Variants in FBXL17 observed in about 807,000 individuals in gnomAD.
FBXL17 encodes F-box/LRR-repeat protein 17.
Under a neutral mutation model 66.2 loss-of-function variants are expected in FBXL17, and 22 were observed. The ratio of observed to expected loss-of-function variants is 0.33; its 90% confidence interval spans 0.24 to 0.47. The LOEUF (loss-of-function observed/expected upper bound fraction) is 0.47. Among genes scored for constraint, FBXL17 ranks in the 20% least tolerant of loss-of-function variants. The pLI, the probability that FBXL17 is intolerant of heterozygous loss-of-function variation, is 1.00. For synonymous variants in FBXL17, 474 were observed against 400.5 expected (o/e 1.18, Z -2.19); for missense variants, 878 against 948.2 (o/e 0.93, Z 0.97).
At chr5:107,867,162 A>G (rs1748301113) in intron 8 of FBXL17, among the ~76,000 whole-genome samples, 1 of 152,154 alleles carries the variant, frequency 6.6e-6, no homozygotes, top group Non-Finnish European at 1.5e-5. Context: ...GGCAGCCCCA[A>G]ACTCCTTTAA....
chr5:108,022,476 C>A (rs927360293), intron 6 of FBXL17, among the ~76,000 whole-genome samples: 1 of 147,536 alleles, frequency 6.8e-6, no homozygotes, highest in Non-Finnish European at 1.5e-5. Flanking sequence ...CTATAATATC[C>A]TAAATCATTA....
At chr5:108,370,048 G>A (rs1026239263) in intron 1 of FBXL17, among the ~76,000 whole-genome samples, 6 of 152,056 alleles carry the variant, frequency 3.9e-5, no homozygotes, top group African/African-American at 1.4e-4. Context: ...ACTCATACCG[G>A]GACCATCTAG....
In FBXL17 at chr5:108,381,256, G is replaced by C; in HGVS notation, c.436C>G (p.Leu146Val). 7.0e-7 allele frequency: 1 copy of C among 1,437,886 alleles called. No individual in the cohort carries two copies. The highest frequency in any genetic ancestry group is 9.1e-7 in the Non-Finnish European group (1 of 1,098,452). The allele number at this position is 1,437,886 out of a possible 1,614,324, so 89.1% of individuals were successfully genotyped here. ...TGCTCCCAGGCGGCGGCCGCAGCCA[G>C]CCCCAACTCTTTGCAGCAGGAGGCG... ...SPASCCKELG[L>V]AAAAAWEQQG... Residue 146 changes from leucine to valine, a missense_variant, in exon 1 of 9, where the codon CTG (leucine) becomes GTG (valine). Leu to Val is a conservative substitution (Grantham distance 32). Transcript: ENST00000542267.
chr5:107,989,722 T>C (rs191083319), intron 7 of FBXL17, among the ~76,000 whole-genome samples: 1 of 152,246 alleles, frequency 6.6e-6, no homozygotes, highest in East Asian at 1.9e-4. Context: ...CCATACTATT[T>C]TCCATAGTTG....
chr5:107,944,889 AT>A (rs1751230274), intron 7 of FBXL17, among the ~76,000 whole-genome samples: 1 of 152,144 alleles, frequency 6.6e-6, no homozygotes, highest in Admixed American at 6.6e-5. Flanking sequence ...AAAATGCAAA[AT>A]AGAAGAAACT....
intron 7 of FBXL17, among the ~76,000 whole-genome samples, chr5:107,963,390 T>A (rs753382208): frequency 4.6e-5 from 7 of 152,194 alleles, no homozygotes; most frequent in South Asian, 4.1e-4. Flanking sequence ...TTATAATAAG[T>A]CCTATAAAAT....
chr5:108,298,956 A>T, intron 4 of FBXL17: 6 of 960,256 alleles, frequency 6.2e-6, no homozygotes, highest in Non-Finnish European at 7.4e-6. Context: ...TCAGTTTCAT[A>T]TATAGTGCCA....
intron 7 of FBXL17, among the ~76,000 whole-genome samples, chr5:107,977,150 CTCTT>C (rs767613342): frequency 2.0e-5 from 3 of 152,172 alleles, no homozygotes; most frequent in Non-Finnish European, 4.4e-5. Flanking sequence ...TTGGAGATAA[CTCTT>C]CCTGAGAGGG....
chr5:107,922,901 T>C (rs1750371310), intron 7 of FBXL17, among the ~76,000 whole-genome samples: 1 of 152,178 alleles, frequency 6.6e-6, no homozygotes, highest in African/African-American at 2.4e-5. Flanking sequence ...GAATGAATAC[T>C]GTAGTGGGTC....
intron 6 of FBXL17, among the ~76,000 whole-genome samples, chr5:108,119,322 T>C (rs1750384613): frequency 1.3e-5 from 2 of 152,158 alleles, no homozygotes; most frequent in African/African-American, 2.4e-5. Flanking sequence ...ATTCTATTCA[T>C]AGCCTGGAAT....
At chr5:108,251,755 T>C (rs1756363715) in intron 4 of FBXL17, among the ~76,000 whole-genome samples, 1 of 152,230 alleles carries the variant, frequency 6.6e-6, no homozygotes, top group African/African-American at 2.4e-5. Context: ...AGCTCAATAA[T>C]ATTCCATCAA....
intron 4 of FBXL17, among the ~76,000 whole-genome samples, chr5:108,338,217 AT>A (rs1425006824): frequency 1.4e-4 from 22 of 152,106 alleles, no homozygotes; most frequent in Non-Finnish European, 2.8e-4. Flanking sequence ...GATGCAAATA[AT>A]TTTATAACCT....
chr5:108,079,986 G>A (rs930741474), intron 6 of FBXL17, among the ~76,000 whole-genome samples: 1 of 152,176 alleles, frequency 6.6e-6, no homozygotes, highest in Non-Finnish European at 1.5e-5. Context: ...ATTAAGGCAG[G>A]GAGGCAGGCA....
intron 5 of FBXL17, among the ~76,000 whole-genome samples, chr5:108,217,345 C>T (rs909177438): frequency 6.6e-6 from 1 of 152,074 alleles, no homozygotes; most frequent in Non-Finnish European, 1.5e-5. Context: ...AAGTTTGTTT[C>T]GATATTATAT....
At chr5:108,327,954 C>T (rs751048273) in intron 4 of FBXL17, among the ~76,000 whole-genome samples, 30 of 152,086 alleles carry the variant, frequency 2.0e-4, no homozygotes, top group Non-Finnish European at 4.4e-4. Context: ...TATATCGTCT[C>T]CAATCTATAC....
At position 108,186,188 on chromosome 5, in the gene FBXL17, C is replaced by G; in HGVS notation, c.1674G>C (p.Val558=). Reference sequence around the variant, plus strand: ...TTTTGCACCTCTTGACAATTTCCATCACGGTTTCATTATCCAGTTCAGTGA... The same window carrying G: ...TTTTGCACCTCTTGACAATTTCCATGACGGTTTCATTATCCAGTTCAGTGA... ...RHITELDNET[V]MEIVKRCKNL... Residue 558 remains valine, a synonymous_variant, in exon 6 of 9, where the codon GTG becomes GTC. Coordinates refer to ENST00000542267, the MANE Select transcript of FBXL17 (RefSeq NM_001163315.3). 4 of 1,612,766 alleles carry G rather than the reference C, an allele frequency of 2.5e-6. No individual in the cohort carries two copies. Among genetic ancestry groups the G allele is most frequent in the Non-Finnish European group, 3.4e-6 (4 of 1,178,972 alleles).
intron 4 of FBXL17, among the ~76,000 whole-genome samples, chr5:108,305,689 G>T (rs1323466163): frequency 6.6e-6 from 1 of 152,056 alleles, no homozygotes; most frequent in Admixed American, 6.6e-5. Flanking sequence ...TGAGTTTTGG[G>T]CATGCTCAGT....
chr5:108,324,452 A>T (rs1331971183), intron 4 of FBXL17, among the ~76,000 whole-genome samples: 1 of 152,106 alleles, frequency 6.6e-6, no homozygotes, highest in Admixed American at 6.6e-5. Context: ...GTCAGCAAGG[A>T]TGTGGAGAAA....
chr5:108,155,240 G>C (rs1354026466), intron 6 of FBXL17, among the ~76,000 whole-genome samples: 1 of 152,108 alleles, frequency 6.6e-6, no homozygotes, highest in Non-Finnish European at 1.5e-5. Flanking sequence ...TTTTAGGCTG[G>C]GCGCGGTGCC....
Sources: gnomAD v4.1 joint callset for allele counts (sites outside exome capture counted in the v4.1 genomes callset) on GRCh38, gnomAD v4.1.1 for gene constraint, MANE v1.5 for transcripts, NCBI Gene and HGNC (gene_info 2026-07-23, HGNC 2026-07-21) for gene names.